GCC2: variants seen among roughly 807,000 people sequenced by gnomAD.
The protein encoded by GCC2 is GRIP and coiled-coil domain-containing protein 2.
Under a neutral mutation model 210.6 loss-of-function variants are expected in GCC2, and 120 were observed. That is an observed-to-expected ratio of 0.57 (90% CI 0.49 to 0.66). The LOEUF (loss-of-function observed/expected upper bound fraction) is 0.66. GCC2 is among the 30% of genes least tolerant of loss of function. The probability of loss-of-function intolerance (pLI) is 0.00; values close to 1 mark genes in which losing one functional copy is unlikely to be tolerated. For missense variants in GCC2, 1,868 were observed against 1,871.9 expected (o/e 1.00, Z 0.04); for synonymous variants, 703 against 652.7 (o/e 1.08, Z -1.17).
In GCC2 at chr2:108,485,834, A is replaced by G; in HGVS notation, c.3718A>G (p.Thr1240Ala). 6.4e-7 allele frequency: 1 copy of G among 1,571,740 alleles called. No homozygotes were observed. The highest frequency in any genetic ancestry group is 1.2e-5 in the South Asian group (1 of 85,630). The change falls in exon 15 of 23, where the codon ACT becomes GCT. Residue 1240 changes from threonine (T) to alanine (A), a missense_variant. Transcript: ENST00000309863. ...KELADSKQAE[T>A]DHLILQASLK... Reference sequence around the variant, plus strand: ...AACCAAGATTCTCATTCTATAGGAAACTGATCACTTAATACTTCAAGCATC... The same window carrying G: ...AACCAAGATTCTCATTCTATAGGAAGCTGATCACTTAATACTTCAAGCATC...
chr2:108,474,196 C>T (rs969981176), intron 7 of GCC2, among the ~76,000 whole-genome samples: 1 of 152,006 alleles, frequency 6.6e-6, no homozygotes, highest in African/African-American at 2.4e-5. Flanking sequence ...TTCAAATTAC[C>T]AAGGGAGTAT....
At chr2:108,488,940 T>C (rs1682274370) in intron 17 of GCC2, among the ~76,000 whole-genome samples, 3 of 152,220 alleles carry the variant, frequency 2.0e-5, no homozygotes, top group Non-Finnish European at 4.4e-5. Flanking sequence ...ATTTCAAAAA[T>C]ATAAATGTCA....
chr2:108,462,487 C>G (rs1680646552), intron 4 of GCC2: 1 of 139,758 alleles, frequency 7.2e-6, no homozygotes, highest in South Asian at 2.4e-4. Context: ...GAGCGAGACT[C>G]AGTCTCAAAA....
chr2:108,480,003 A>AC (rs1466929322), intron 9 of GCC2, among the ~76,000 whole-genome samples: 11 of 127,350 alleles, frequency 8.6e-5, no homozygotes, highest in African/African-American at 2.9e-4. Context: ...AAAAAAAAAA[A>AC]AAAAAACGAA....
intron 11 of GCC2, among the ~76,000 whole-genome samples, chr2:108,482,843 A>AT (rs1681939879): frequency 6.6e-6 from 1 of 151,676 alleles, no homozygotes; most frequent in Non-Finnish European, 1.5e-5. Context: ...TGCCCAGCTA[A>AT]TTTTCCGTGT....
At chr2:108,482,826 A>G (rs949297342) in intron 11 of GCC2, among the ~76,000 whole-genome samples, 1 of 151,958 alleles carries the variant, frequency 6.6e-6, no homozygotes, top group African/African-American at 2.4e-5. Flanking sequence ...ACAGGCACTC[A>G]CCACCATGCC....
At chr2:108,472,719 G>C (rs1376308376) in intron 6 of GCC2, 108 bp from the exon 7 acceptor site, 2 of 683,364 alleles carry the variant, frequency 2.9e-6, no homozygotes, top group Non-Finnish European at 5.0e-6. Flanking sequence ...AATTCTCTTT[G>C]ATAGTGATTT....
intron 22 of GCC2, 74 bp from the exon 23 acceptor site, chr2:108,507,486 A>T: frequency 8.4e-7 from 1 of 1,193,452 alleles, no homozygotes; most frequent in South Asian, 1.3e-5. Flanking sequence ...TAAAATATAG[A>T]TTTTACATTG....
intron 4 of GCC2, among the ~76,000 whole-genome samples, chr2:108,454,824 TG>T (rs1213785105): frequency 1.3e-5 from 2 of 152,158 alleles, no homozygotes; most frequent in African/African-American, 4.8e-5. Flanking sequence ...CACATAGAAC[TG>T]GGTTGGTCAC....
At position 108,472,106 on chromosome 2, in the gene GCC2, T is replaced by A. The variant is rs746606214; in HGVS notation, c.2777T>A (p.Ile926Lys). 9 of 1,533,402 alleles carry A rather than the reference T, an allele frequency of 5.9e-6. No individual in the cohort carries two copies. In the African/African-American group the frequency reaches 1.3e-4, roughly 21 times the overall value. 95.0% of individuals were successfully genotyped at this position (1,533,402 alleles called of 1,614,324 possible). Residue 926 changes from isoleucine (I) to lysine (K), a missense_variant, in exon 6 of 23, where the codon ATA becomes AAA. Ile to Lys is a moderately radical substitution (Grantham distance 102). Around this residue, in one of 3 missense-constraint regions of GCC2, gnomAD observed 1,847 missense variants for 1,765.2 expected, o/e 1.05. Coordinates refer to ENST00000309863, the MANE Select transcript of GCC2 (RefSeq NM_181453.4). ...KELRDRRAEL[I>K]LLKDSLAKSP... ...TTACGAGATAGGAGAGCAGAGTTGA[T>A]ACTATTAAAGGTACCATTCATTTGA...
chr2:108,494,977 G>A (rs143745021), intron 19 of GCC2: 4,655 of 164,186 alleles, frequency 0.028, 131 homozygotes, highest in African/African-American at 0.073. Context: ...GTGCCTGGCT[G>A]ATTTTTGTAT....
At chr2:108,452,984 G>A (rs1323092571) in intron 4 of GCC2, among the ~76,000 whole-genome samples, 5 of 152,182 alleles carry the variant, frequency 3.3e-5, no homozygotes, top group East Asian at 3.9e-4. Context: ...GAGCCACCAC[G>A]CCCAGCCCAT....
Position 108,495,375 on chromosome 2 carries a change from C to T in GCC2, c.4532C>T (p.Thr1511Ile), listed in dbSNP as rs1436135836. ...CCGCTTCTAGACATGCACACTGTAACCCGGGAAGAGGGAGAAGGCATGGAG... is the reference window on the plus strand; with the variant it reads ...CCGCTTCTAGACATGCACACTGTAATCCGGGAAGAGGGAGAAGGCATGGAG... ...DLPLLDMHTV[T>I]REEGEGMETT... Residue 1511 changes from threonine (T) to isoleucine (I), a missense_variant, in exon 20 of 23, where the codon ACC (threonine) becomes ATC (isoleucine). Physicochemically the swap from Thr to Ile is moderately conservative, Grantham distance 89. Transcript: ENST00000309863. 6.3e-7 allele frequency: 1 copy of T among 1,576,066 alleles called. No individual in the cohort carries two copies. Among genetic ancestry groups the T allele is most frequent in the Non-Finnish European group, 8.6e-7 (1 of 1,161,482 alleles).
intron 9 of GCC2, among the ~76,000 whole-genome samples, chr2:108,479,066 A>G (rs756123159): frequency 2.0e-5 from 3 of 152,092 alleles, no homozygotes; most frequent in Non-Finnish European, 2.9e-5. Flanking sequence ...GTGGTGGCTG[A>G]GGTAGGAGAA....
intron 22 of GCC2, among the ~76,000 whole-genome samples, chr2:108,504,625 A>G (rs1311159198): frequency 1.3e-5 from 2 of 152,300 alleles, no homozygotes; most frequent in African/African-American, 4.8e-5. Flanking sequence ...TATTTCACAA[A>G]TTGAGTGTTT....
At position 108,482,354 on chromosome 2, in the gene GCC2, AATT is replaced by A. The variant is rs1558749221; in HGVS notation, c.3253_3255del (p.Leu1085del). 6.3e-7 allele frequency: 1 copy of A among 1,578,162 alleles called. No homozygotes were observed. The highest frequency in any genetic ancestry group is 2.2e-5 in the East Asian group (1 of 44,634). On this transcript the variant is annotated inframe_deletion, in exon 11 of 23. Transcript: ENST00000309863. The stretch of plus-strand genomic sequence containing the variant: ...ATTGAGACATTACAGTCTAATGCCA[AATT>A]ATTAGAAGTACAGATTTTAGAAGTC...
chr2:108,458,371 T>C (rs1025616964), intron 4 of GCC2, among the ~76,000 whole-genome samples: 2 of 131,248 alleles, frequency 1.5e-5, no homozygotes, highest in African/African-American at 3.1e-5. Flanking sequence ...TGGTTGTTGC[T>C]TTCTTTTTTT....
At chr2:108,460,424 T>G (rs1680506639) in intron 4 of GCC2, among the ~76,000 whole-genome samples, 1 of 152,198 alleles carries the variant, frequency 6.6e-6, no homozygotes, top group African/African-American at 2.4e-5. Flanking sequence ...CTTTATATAT[T>G]CTTTGTTCCT....
Position 108,469,748 on chromosome 2 carries a change from C to A in GCC2, c.419C>A (p.Ala140Glu), listed in dbSNP as rs1318255064. 6 of 1,612,986 alleles carry A rather than the reference C, an allele frequency of 3.7e-6. No individual in the cohort carries two copies. The highest frequency in any genetic ancestry group is 5.1e-6 in the Non-Finnish European group (6 of 1,179,098). ...EIENLKNELM[A>E]VRSKYSEDKA... The stretch of plus-strand genomic sequence containing the variant: ...GAAAATTTGAAAAATGAGTTGATGG[C>A]AGTACGTTCCAAATACAGTGAAGAC... The change falls in exon 6 of 23, where the codon GCA becomes GAA. Residue 140 changes from alanine (A) to glutamate (E), a missense_variant. Physicochemically the swap from Ala to Glu is moderately radical, Grantham distance 107. Coordinates refer to ENST00000309863, the MANE Select transcript of GCC2 (RefSeq NM_181453.4).
Sources: allele counts gnomAD v4.1 joint callset (sites outside exome capture counted in the v4.1 genomes callset), GRCh38; gene constraint gnomAD v4.1.1; regional missense constraint gnomAD v4.1.1; transcripts MANE v1.5; gene names NCBI Gene and HGNC (gene_info 2026-07-23, HGNC 2026-07-21).